Variants in CIRSR observed in about 807,000 individuals in gnomAD.
The protein encoded by CIRSR is corepressor of RBPJ and splicing regulator.
chr2:174,348,331 T>C, the CIRSR span: 4 of 1,080,862 alleles, frequency 3.7e-6, no homozygotes, highest in Non-Finnish European at 3.8e-6. Flanking sequence ...TCATGTAGTT[T>C]TGTACTTGAA....
the CIRSR span, among the ~76,000 whole-genome samples, chr2:174,364,922 G>A: frequency 6.6e-6 from 1 of 152,178 alleles, no homozygotes; most frequent in Non-Finnish European, 1.5e-5. Flanking sequence ...ACTGTCTTGG[G>A]GATTAACATT....
the CIRSR span, among the ~76,000 whole-genome samples, chr2:174,372,862 G>A: frequency 6.6e-6 from 1 of 152,152 alleles, no homozygotes; most frequent in Non-Finnish European, 1.5e-5. Flanking sequence ...GATTACAGGT[G>A]TGAGCCACCG....
At chr2:174,360,661 A>G in the CIRSR span, among the ~76,000 whole-genome samples, 1 of 152,144 alleles carries the variant, frequency 6.6e-6, no homozygotes, top group Non-Finnish European at 1.5e-5. Flanking sequence ...TGCCCCTTTG[A>G]GATTATGGGA....
the CIRSR span, among the ~76,000 whole-genome samples, chr2:174,363,513 C>T: frequency 4.6e-4 from 70 of 152,274 alleles, no homozygotes; most frequent in African/African-American, 1.5e-3. Context: ...CCATGTCCAG[C>T]TTTCAACAAA....
the CIRSR span, among the ~76,000 whole-genome samples, chr2:174,365,084 C>G: frequency 6.6e-6 from 1 of 152,078 alleles, no homozygotes; most frequent in African/African-American, 2.4e-5. Context: ...TAATAGCACC[C>G]ACGTCAACTC....
chr2:174,360,219 A>T, the CIRSR span, among the ~76,000 whole-genome samples: 28 of 152,192 alleles, frequency 1.8e-4, no homozygotes, highest in East Asian at 2.3e-3. Flanking sequence ...AAATAATTTT[A>T]AAAAACTGGT....
chr2:174,357,828 C>G, the CIRSR span, among the ~76,000 whole-genome samples: 2 of 152,006 alleles, frequency 1.3e-5, no homozygotes, highest in Non-Finnish European at 2.9e-5. Context: ...GCATAACACC[C>G]AGGAAAAAAA....
the CIRSR span, chr2:174,351,987 T>A: frequency 3.5e-6 from 1 of 287,988 alleles, no homozygotes; most frequent in Admixed American, 5.1e-5. Context: ...TACATTTAGA[T>A]GTTATCTGGT....
the CIRSR span, chr2:174,348,465 G>A: frequency 6.4e-7 from 1 of 1,557,976 alleles, no homozygotes; most frequent in East Asian, 2.3e-5. Context: ...CCAGGTAATT[G>A]TCACATACAG....
the CIRSR span, chr2:174,395,401 C>T: frequency 1.3e-6 from 1 of 744,692 alleles, no homozygotes; most frequent in Non-Finnish European, 2.3e-6. Flanking sequence ...GCGAGCTGCT[C>T]AGCAGAGAAA....
At chr2:174,381,005 A>C in the CIRSR span, among the ~76,000 whole-genome samples, 2 of 152,230 alleles carry the variant, frequency 1.3e-5, no homozygotes, top group Non-Finnish European at 2.9e-5. Context: ...CAAAATTAAA[A>C]TTAATAAGTA....
the CIRSR span, chr2:174,380,555 C>A: frequency 9.2e-7 from 1 of 1,087,348 alleles, no homozygotes. Context: ...ACATCAGTTG[C>A]CTCCTCTAAT....
chr2:174,354,417 A>ATATT, the CIRSR span, among the ~76,000 whole-genome samples: 1 of 82,410 alleles, frequency 1.2e-5, no homozygotes, highest in African/African-American at 4.4e-5. Flanking sequence ...TATTATATAT[A>ATATT]ATATATATTA....
the CIRSR span, among the ~76,000 whole-genome samples, chr2:174,368,057 G>A: frequency 2.0e-5 from 3 of 151,882 alleles, no homozygotes. Flanking sequence ...CTAACAACAG[G>A]GCATCAAAAT....
the CIRSR span, among the ~76,000 whole-genome samples, chr2:174,363,234 A>G: frequency 5.9e-5 from 9 of 152,212 alleles, no homozygotes; most frequent in Non-Finnish European, 1.0e-4. Context: ...CTTCTCCCCT[A>G]TATCTTACTA....
chr2:174,375,504 G>A, the CIRSR span, among the ~76,000 whole-genome samples: 3 of 152,140 alleles, frequency 2.0e-5, no homozygotes, highest in African/African-American at 2.4e-5. Flanking sequence ...AGCTACTCAG[G>A]AGGCTGAGGT....
chr2:174,355,233 T>C, the CIRSR span, among the ~76,000 whole-genome samples: 2 of 152,186 alleles, frequency 1.3e-5, no homozygotes, highest in African/African-American at 4.8e-5. Flanking sequence ...TAAAATAGAT[T>C]ACACAAATAT....
At chr2:174,383,707 G>T in the CIRSR span, among the ~76,000 whole-genome samples, 13 of 126,132 alleles carry the variant, frequency 1.0e-4, no homozygotes, top group African/African-American at 3.6e-4. Flanking sequence ...GTGATAGAGT[G>T]AGACTCCGTC....
the CIRSR span, among the ~76,000 whole-genome samples, chr2:174,392,885 G>A: frequency 1.3e-5 from 2 of 152,180 alleles, no homozygotes; most frequent in African/African-American, 4.8e-5. Context: ...GTTAAGAAGA[G>A]AAAACTGGGA....
Sources: allele counts gnomAD v4.1 joint callset (sites outside exome capture counted in the v4.1 genomes callset), GRCh38; gene constraint gnomAD v4.1.1; transcripts MANE v1.5; gene names NCBI Gene and HGNC (gene_info 2026-07-23, HGNC 2026-07-21).